Variants in TMC1 observed in about 807,000 individuals in gnomAD.
The protein encoded by TMC1 is transmembrane channel like 1.
In TMC1, 84 loss-of-function variants were observed where a neutral mutation model predicts 105.8. The ratio of observed to expected loss-of-function variants is 0.79; its 90% CI spans 0.67 to 0.95. TMC1 has a LOEUF of 0.95. Among genes scored for constraint, TMC1 ranks in the 40% least tolerant of loss-of-function variants. TMC1 has a pLI of 0.00. For missense variants in TMC1, 817 were observed against 914.1 expected (o/e 0.89, Z 1.37); for synonymous variants, 315 against 311.5 (o/e 1.01, Z -0.12).
chr9:72,804,091 A>G (rs1440202429), intron 17 of TMC1, among the ~76,000 whole-genome samples: 3 of 152,224 alleles, frequency 2.0e-5, no homozygotes, highest in African/African-American at 7.2e-5. Flanking sequence ...AGAGACATGG[A>G]TGGAGCTGAA....
At chr9:72,816,533 A>G (rs567488595) in intron 19 of TMC1, among the ~76,000 whole-genome samples, 1 of 152,194 alleles carries the variant, frequency 6.6e-6, no homozygotes, top group Non-Finnish European at 1.5e-5. Context: ...TTACATTACC[A>G]CATGATAAGT....
At chr9:72,523,926 G>C (rs1314950701) in intron 1 of TMC1, among the ~76,000 whole-genome samples, 1 of 152,168 alleles carries the variant, frequency 6.6e-6, no homozygotes, top group Non-Finnish European at 1.5e-5. Context: ...AAGTGAGAAA[G>C]GGGCATCATG....
chr9:72,609,395 A>G (rs543506202), intron 2 of TMC1, among the ~76,000 whole-genome samples: 1 of 152,092 alleles, frequency 6.6e-6, no homozygotes, highest in East Asian at 1.9e-4. Flanking sequence ...AAAAATTAGT[A>G]GTGTATGGTG....
intron 1 of TMC1, among the ~76,000 whole-genome samples, chr9:72,556,559 C>T (rs1442159012): frequency 6.6e-6 from 1 of 151,780 alleles, no homozygotes. Context: ...TGGCTCATGC[C>T]TGTAATCCCA....
At position 72,742,471 on chromosome 9, in the gene TMC1, G is replaced by A; in HGVS notation, c.481G>A (p.Glu161Lys). 1.2e-6 allele frequency: 2 copies of A among 1,614,112 alleles called. No homozygotes were observed. The highest frequency in any genetic ancestry group is 1.7e-6 in the Non-Finnish European group (2 of 1,180,014). ...KKWAKFLRDF[E>K]NFKAACVPWE... ...ATGGGCAAAATTCCTCCGTGATTTTGAGAACTTCAAAGCTGCGTGTGTCCC... is the reference window on the plus strand; with the variant it reads ...ATGGGCAAAATTCCTCCGTGATTTTAAGAACTTCAAAGCTGCGTGTGTCCC... The change falls in exon 10 of 24, where the codon GAG becomes AAG. Residue 161 changes from glutamate to lysine, a missense_variant. Coordinates refer to ENST00000297784, the MANE Select transcript of TMC1 (RefSeq NM_138691.3).
chr9:72,638,970 C>T (rs775118396), intron 4 of TMC1, among the ~76,000 whole-genome samples: 3 of 151,850 alleles, frequency 2.0e-5, no homozygotes, highest in Non-Finnish European at 2.9e-5. Flanking sequence ...ATTTCTTTAC[C>T]GAAGAGCATA....
intron 10 of TMC1, among the ~76,000 whole-genome samples, chr9:72,746,465 G>C (rs1827491204): frequency 6.6e-6 from 1 of 152,152 alleles, no homozygotes. Flanking sequence ...TGTAGTAAGT[G>C]GCATGGTCAA....
At chr9:72,647,205 T>A (rs967058650) in intron 4 of TMC1, among the ~76,000 whole-genome samples, 1 of 151,066 alleles carries the variant, frequency 6.6e-6, no homozygotes, top group Non-Finnish European at 1.5e-5. Context: ...ATCTCTTACT[T>A]TTTTTTTAGT....
intron 20 of TMC1, among the ~76,000 whole-genome samples, chr9:72,824,719 C>T (rs924782519): frequency 3.3e-5 from 5 of 152,166 alleles, no homozygotes; most frequent in Admixed American, 3.3e-4. Flanking sequence ...CAAAGGTAGA[C>T]ACGACAGTAT....
intron 5 of TMC1, among the ~76,000 whole-genome samples, chr9:72,672,315 T>A (rs985748965): frequency 3.2e-4 from 49 of 152,078 alleles, no homozygotes; most frequent in Non-Finnish European, 6.2e-4. Context: ...CAGACTTTGT[T>A]TTTTTAATGA....
At chr9:72,677,735 A>G (rs915016584) in intron 5 of TMC1, among the ~76,000 whole-genome samples, 1 of 152,036 alleles carries the variant, frequency 6.6e-6, no homozygotes, top group Non-Finnish European at 1.5e-5. Flanking sequence ...TTTTGACAAT[A>G]TGATTTTCTC....
chr9:72,536,127 A>G (rs1209378381), intron 1 of TMC1, among the ~76,000 whole-genome samples: 3 of 152,206 alleles, frequency 2.0e-5, no homozygotes, highest in Non-Finnish European at 4.4e-5. Flanking sequence ...TTCCAGCATA[A>G]ACTCAAAAGT....
chr9:72,677,918 A>G (rs1238783137), intron 5 of TMC1, among the ~76,000 whole-genome samples: 1 of 152,138 alleles, frequency 6.6e-6, no homozygotes, highest in African/African-American at 2.4e-5. Context: ...GTGTCTGTGC[A>G]TTCATTTTTA....
chr9:72,563,597 A>G (rs1824094394), intron 1 of TMC1, among the ~76,000 whole-genome samples: 1 of 152,008 alleles, frequency 6.6e-6, no homozygotes, highest in East Asian at 1.9e-4. Flanking sequence ...ATGAAGAATA[A>G]ATGGTAGCAA....
rs180898616 is a variant in TMC1 at position 72,607,646 on chromosome 9, T to C, written c.-305-8722T>C. Among the ~76,000 whole-genome samples the C allele has an allele frequency of 2.7e-5, 4 of 147,904 alleles. 1 individual carries two copies. The Admixed American group carries it at 2.7e-4, about 10-fold the overall frequency. ...AAAAAAAAAAAAAAGAGTATCAATG[T>C]ATCAAAATCATTATTTTAGGCTGGG... is the stretch of plus-strand genomic sequence containing the variant. On this transcript the variant is annotated intron_variant, in intron 2 of 23. Coordinates refer to ENST00000297784, the MANE Select transcript of TMC1 (RefSeq NM_138691.3).
intron 4 of TMC1, among the ~76,000 whole-genome samples, chr9:72,631,655 A>G (rs1451364090): frequency 6.6e-6 from 1 of 152,210 alleles, no homozygotes; most frequent in Non-Finnish European, 1.5e-5. Flanking sequence ...CAAAGTTCTC[A>G]TCTCTTTACA....
At position 72,727,837 on chromosome 9, in the gene TMC1, T is replaced by C. The variant is rs1345178293; in HGVS notation, c.363-12282T>C. On this transcript the variant is annotated intron_variant, in intron 8 of 23. Transcript: ENST00000297784. The stretch of plus-strand genomic sequence containing the variant: ...CCCTACCTTCAGGTATTAGTGTTGC[T>C]AATAACATGCTCAACTGATTCATTA... Among the ~76,000 whole-genome samples the C allele has an allele frequency of 2.6e-5, 4 of 152,108 alleles. No individual in the cohort carries two copies. The East Asian group carries it at 7.7e-4, about 29-fold the overall frequency.
chr9:72,694,715 G>T lies in TMC1; in HGVS notation c.236+1G>T, dbSNP rs775428246. The T allele has an allele frequency of 3.1e-6, 5 of 1,604,822 alleles. No individual in the cohort carries two copies. The highest frequency in any genetic ancestry group is 1.1e-5 in the South Asian group (1 of 89,846). On this transcript the variant is annotated splice_donor_variant, in intron 7 of 23. Transcript: ENST00000297784. LOFTEE classifies it high-confidence loss of function. ...GGAGGAGGAGGCTAAAGAGAGGAGCGTAAGTTAGTTCTGATATTCTTTCAA... is the reference window on the plus strand; with the variant it reads ...GGAGGAGGAGGCTAAAGAGAGGAGCTTAAGTTAGTTCTGATATTCTTTCAA...
intron 8 of TMC1, among the ~76,000 whole-genome samples, chr9:72,724,263 A>C (rs1193148120): frequency 6.6e-6 from 1 of 152,190 alleles, no homozygotes; most frequent in Non-Finnish European, 1.5e-5. Context: ...GAGGCATGAC[A>C]CTGGCACCTG....
Sources: gnomAD v4.1 joint callset for allele counts (sites outside exome capture counted in the v4.1 genomes callset) on GRCh38, gnomAD v4.1.1 for gene constraint, MANE v1.5 for transcripts, NCBI Gene and HGNC (gene_info 2026-07-23, HGNC 2026-07-21) for gene names.